CDH22: variants seen among roughly 807,000 people sequenced by gnomAD.
CDH22 encodes cadherin 22, also known as cadherin-22.
Under a neutral mutation model 58.4 loss-of-function variants are expected in CDH22, and 30 were observed. The observed-to-expected ratio is 0.51, with a 90% CI of 0.38 to 0.70. The LOEUF is 0.70. Among genes scored for constraint, CDH22 ranks in the 30% least tolerant of loss-of-function variants. The pLI, the probability that CDH22 is intolerant of heterozygous loss-of-function variation, is 0.00. For synonymous variants in CDH22, 513 were observed against 558.2 expected, an observed-to-expected ratio of 0.92 and a Z score of 1.14; for missense variants, 1,014 against 1,233.9, an observed-to-expected ratio of 0.82 and a Z score of 2.67.
chr20:46,299,899 T>G (rs899179137), intron 1 of CDH22, among the ~76,000 whole-genome samples: 2 of 151,950 alleles, frequency 1.3e-5, no homozygotes, highest in Non-Finnish European at 2.9e-5. Flanking sequence ...GCTGTTGGAG[T>G]GGGGTGGACA....
rs1348215755 is a variant in CDH22, at chr20:46,294,713, G to T, written c.-400+13542C>A. ...CCAACCTCTGCTGGGGTGGGTAGGTGGGGGCTTGGGAGAAAGAGGGAAAGA... is the reference window on the plus strand; with the variant it reads ...CCAACCTCTGCTGGGGTGGGTAGGTTGGGGCTTGGGAGAAAGAGGGAAAGA... On this transcript the variant is annotated intron_variant, in intron 1 of 11. Transcript: ENST00000537909. Among the ~76,000 whole-genome samples the T allele has an allele frequency of 2.0e-5, 3 of 152,194 alleles. No individual in the cohort carries two copies. The East Asian group carries it at 5.8e-4, about 29-fold the overall frequency.
chr20:46,182,260 C>T (rs927664037), intron 10 of CDH22, among the ~76,000 whole-genome samples: 17 of 152,170 alleles, frequency 1.1e-4, no homozygotes, highest in Admixed American at 5.9e-4. Flanking sequence ...ATTCTAGCCC[C>T]GGGGGATACT....
intron 5 of CDH22, among the ~76,000 whole-genome samples, chr20:46,214,501 A>G (rs1174591635): frequency 6.6e-6 from 1 of 152,016 alleles, no homozygotes; most frequent in Non-Finnish European, 1.5e-5. Flanking sequence ...TGCCCTTGGG[A>G]TGGAGTTGTG....
chr20:46,265,924 C>T (rs1600721542), intron 1 of CDH22, among the ~76,000 whole-genome samples: 1 of 148,030 alleles, frequency 6.8e-6, no homozygotes, highest in East Asian at 2.0e-4. Context: ...CATCTGGGAG[C>T]TGTGCACACA....
chr20:46,240,078 G>A (rs2086279179), intron 3 of CDH22, among the ~76,000 whole-genome samples: 1 of 151,962 alleles, frequency 6.6e-6, no homozygotes, highest in African/African-American at 2.4e-5. Flanking sequence ...TGGGGGCTTA[G>A]CCATCTCTGT....
chr20:46,176,558 A>C (rs1438257091), intron 11 of CDH22, among the ~76,000 whole-genome samples: 1 of 152,242 alleles, frequency 6.6e-6, no homozygotes, highest in Non-Finnish European at 1.5e-5. Flanking sequence ...TGACAGATGG[A>C]CAGACATGTA....
chr20:46,299,526 C>T (rs532941447), intron 1 of CDH22, among the ~76,000 whole-genome samples: 23 of 152,284 alleles, frequency 1.5e-4, no homozygotes, highest in East Asian at 1.2e-3. Context: ...TGTGTGAGCA[C>T]GCAGGTGCGT....
intron 1 of CDH22, among the ~76,000 whole-genome samples, chr20:46,284,569 G>T (rs2086567449): frequency 6.6e-6 from 1 of 152,184 alleles, no homozygotes; most frequent in Admixed American, 6.5e-5. Context: ...AGACTCAGAG[G>T]TGGGGCCGAT....
At chr20:46,226,806 C>T (rs2086178412) in intron 4 of CDH22, among the ~76,000 whole-genome samples, 2 of 152,212 alleles carry the variant, frequency 1.3e-5, no homozygotes. Flanking sequence ...GGCAGCCACT[C>T]CCAGCTGTGT....
intron 2 of CDH22, among the ~76,000 whole-genome samples, chr20:46,243,081 T>A (rs575175873): frequency 6.6e-6 from 1 of 152,052 alleles, no homozygotes; most frequent in Non-Finnish European, 1.5e-5. Flanking sequence ...TAAGCTTCCA[T>A]GGAGATGGAG....
intron 1 of CDH22, among the ~76,000 whole-genome samples, chr20:46,276,339 G>A (rs201369916): frequency 3.3e-5 from 5 of 152,200 alleles, no homozygotes; most frequent in East Asian, 1.9e-4. Flanking sequence ...GGATCACTTC[G>A]GCTGTCAAGA....
intron 1 of CDH22, among the ~76,000 whole-genome samples, chr20:46,287,363 A>T (rs2145773530): frequency 6.6e-6 from 1 of 152,330 alleles, no homozygotes; most frequent in South Asian, 2.1e-4. Context: ...TCATTAAAAC[A>T]TGCGATGATG....
At chr20:46,208,367 C>G (rs1381659269) in intron 7 of CDH22, among the ~76,000 whole-genome samples, 1 of 152,238 alleles carries the variant, frequency 6.6e-6, no homozygotes, top group African/African-American at 2.4e-5. Flanking sequence ...CCTGCTCTGC[C>G]TCTGGCTTGC....
chr20:46,191,927 T>C (rs1431523948), intron 8 of CDH22, among the ~76,000 whole-genome samples: 1 of 152,144 alleles, frequency 6.6e-6, no homozygotes, highest in Non-Finnish European at 1.5e-5. Context: ...GCCTCGTTGC[T>C]ACCCCTCCCT....
At chr20:46,237,554 C>G (rs2086262043) in intron 3 of CDH22, among the ~76,000 whole-genome samples, 1 of 152,216 alleles carries the variant, frequency 6.6e-6, no homozygotes, top group Admixed American at 6.5e-5. Context: ...GCTTCCCCTT[C>G]AAATAGTTGC....
At chr20:46,287,012 T>C (rs2086579608) in intron 1 of CDH22, among the ~76,000 whole-genome samples, 3 of 152,136 alleles carry the variant, frequency 2.0e-5, no homozygotes, top group Admixed American at 2.0e-4. Flanking sequence ...TCAATAAACA[T>C]TTACTAAGCC....
chr20:46,267,678 G>A (rs2086467549), intron 1 of CDH22, among the ~76,000 whole-genome samples: 1 of 152,244 alleles, frequency 6.6e-6, no homozygotes, highest in Non-Finnish European at 1.5e-5. Flanking sequence ...GGGAGCCCCT[G>A]ACACCATGTG....
At chr20:46,257,836 T>C (rs2086413983) in intron 1 of CDH22, among the ~76,000 whole-genome samples, 1 of 151,984 alleles carries the variant, frequency 6.6e-6, no homozygotes, top group South Asian at 2.1e-4. Flanking sequence ...GACTAAATGC[T>C]GGGGGACCAC....
chr20:46,222,944 C>T (rs573213155), intron 4 of CDH22, among the ~76,000 whole-genome samples: 13 of 152,360 alleles, frequency 8.5e-5, no homozygotes, highest in African/African-American at 1.4e-4. Flanking sequence ...AATATAGACC[C>T]GCATCAGCAG....
Sources: gnomAD v4.1 joint callset for allele counts (sites outside exome capture counted in the v4.1 genomes callset) on GRCh38, gnomAD v4.1.1 for gene constraint, MANE v1.5 for transcripts, NCBI Gene and HGNC (gene_info 2026-07-23, HGNC 2026-07-21) for gene names.